The following KIAA0232 variants were observed in gnomAD, a reference collection of about 807,000 sequenced individuals.
KIAA0232 encodes the protein uncharacterized protein KIAA0232.
In KIAA0232, 27 loss-of-function variants were observed where a neutral mutation model predicts 122.0. That is an observed-to-expected ratio of 0.22 (90% CI 0.16 to 0.31). The LOEUF is 0.31. Ranked by LOEUF, KIAA0232 falls within the 10% of genes least tolerant of loss-of-function variation. The probability of loss-of-function intolerance (pLI) is 1.00; values close to 1 mark genes in which losing one functional copy is unlikely to be tolerated. For missense variants in KIAA0232, 1,551 were observed against 1,634.2 expected, an observed-to-expected ratio of 0.95 and a Z score of 0.88; for synonymous variants, 613 against 587.6, an observed-to-expected ratio of 1.04 and a Z score of -0.63.
Position 6,883,985 on chromosome 4 carries a change from TA to T in KIAA0232, c.*3020del, listed in dbSNP as rs1251260965. ...GTCGGTAATTATAGAACTACATAAT[TA>T]TTTTTATAGCTGTATTATGTAGATT... On this transcript the variant is annotated 3_prime_UTR_variant, in exon 10 of 10. Coordinates refer to ENST00000307659, the MANE Select transcript of KIAA0232 (RefSeq NM_014743.3). 1.3e-5 allele frequency: 2 copies of T among 152,236 alleles called. No homozygotes were observed. Among genetic ancestry groups the T allele is most frequent in the Non-Finnish European group, 2.9e-5 (2 of 68,042 alleles). 9.4% of individuals were successfully genotyped at this position (152,236 alleles called of 1,614,324 possible).
At chr4:6,865,344 G>A (rs1443712654) in intron 7 of KIAA0232, among the ~76,000 whole-genome samples, 2 of 152,186 alleles carry the variant, frequency 1.3e-5, no homozygotes, top group African/African-American at 2.4e-5. Flanking sequence ...CTGTCGCCCA[G>A]GCTTGAGTGC....
rs1264348101 is a variant in KIAA0232, at chr4:6,862,544, G to A, written c.2162G>A (p.Arg721His). 8.7e-6 allele frequency: 14 copies of A among 1,613,406 alleles called. No individual in the cohort carries two copies. Among genetic ancestry groups the A allele is most frequent in the Non-Finnish European group, 1.1e-5 (13 of 1,179,776 alleles). Residue 721 changes from arginine to histidine, a missense_variant, in exon 7 of 10, where the codon CGT (arginine) becomes CAT (histidine). Transcript: ENST00000307659. ...CCATGGTCCCATTCAGAAGAAACAC[G>A]TTCAGACAATGAAACATTAAATATT... is the stretch of plus-strand genomic sequence containing the variant. ...CSPWSHSEETRSDNETLNIQF... is the reference protein window; with the variant it reads ...CSPWSHSEETHSDNETLNIQF...
chr4:6,883,393 G>A lies in KIAA0232; in HGVS notation c.*2427G>A, dbSNP rs1330711327. The A allele has an allele frequency of 6.6e-6, 1 of 152,402 alleles. No individual in the cohort carries two copies. 9.4% of individuals were successfully genotyped at this position (152,402 alleles called of 1,614,324 possible). On this transcript the variant is annotated 3_prime_UTR_variant, in exon 10 of 10. Transcript: ENST00000307659. ...CAGTTTGTTGTTTTTATTTCTCATA[G>A]CAAAGCTTCTTTTGTAAAGAACTCC... is the stretch of plus-strand genomic sequence containing the variant.
intron 1 of KIAA0232, among the ~76,000 whole-genome samples, chr4:6,796,259 GGAGACA>G (rs1343506622): frequency 6.9e-6 from 1 of 145,854 alleles, no homozygotes; most frequent in African/African-American, 2.5e-5. Flanking sequence ...TTTTTTTTTT[GGAGACA>G]GAGTCTTGTT....
chr4:6,863,713 A>C lies in KIAA0232; in HGVS notation c.3331A>C (p.Ile1111Leu). 1.2e-6 allele frequency: 2 copies of C among 1,614,214 alleles called. No homozygotes were observed. The highest frequency in any genetic ancestry group is 1.7e-6 in the Non-Finnish European group (2 of 1,180,034). ...CTCTCCTCGGACTCACTTTCGCCCA[A>C]TTTCTGCATCCGAACTGTCCCCAGG... Reference protein sequence around the residue: ...RISPRTHFRPISASELSPGGG... With the variant: ...RISPRTHFRPLSASELSPGGG... The change falls in exon 7 of 10, where the codon ATT becomes CTT. Residue 1111 changes from isoleucine to leucine, a missense_variant. Physicochemically the swap from Ile to Leu is conservative, Grantham distance 5. This residue lies in a region of KIAA0232 where 1,108 missense variants were observed against 1,154.8 expected (regional missense o/e 0.96). Transcript: ENST00000307659.
intron 1 of KIAA0232, among the ~76,000 whole-genome samples, chr4:6,797,568 G>A (rs1354456720): frequency 2.6e-5 from 4 of 151,360 alleles, no homozygotes; most frequent in South Asian, 2.1e-4. Flanking sequence ...CCAGGAATTC[G>A]AGACCAGCCT....
chr4:6,852,541 G>T (rs1720347865), intron 4 of KIAA0232, among the ~76,000 whole-genome samples: 2 of 152,122 alleles, frequency 1.3e-5, no homozygotes, highest in Non-Finnish European at 2.9e-5. Flanking sequence ...CTGCTTTAAA[G>T]CTAAAGACTA....
chr4:6,857,636 C>T (rs551421058), intron 5 of KIAA0232, among the ~76,000 whole-genome samples: 7 of 152,228 alleles, frequency 4.6e-5, no homozygotes, highest in South Asian at 2.1e-4. Flanking sequence ...TGCTAAATTA[C>T]GACATTAAAT....
intron 9 of KIAA0232, among the ~76,000 whole-genome samples, chr4:6,879,779 G>T (rs375095775): frequency 2.6e-5 from 4 of 151,084 alleles, no homozygotes; most frequent in African/African-American, 9.8e-5. Context: ...AGCTGAGCGG[G>T]CCTCTTCTCC....
intron 1 of KIAA0232, among the ~76,000 whole-genome samples, chr4:6,788,662 T>C (rs1716744840): frequency 6.6e-6 from 1 of 152,370 alleles, no homozygotes; most frequent in Admixed American, 6.5e-5. Context: ...GTCTTTTACA[T>C]AGTACTCATT....
Position 6,861,229 on chromosome 4 carries a change from A to G in KIAA0232, c.847A>G (p.Ile283Val). 1.2e-6 allele frequency: 2 copies of G among 1,614,132 alleles called. No individual in the cohort carries two copies. The highest frequency in any genetic ancestry group is 1.7e-6 in the Non-Finnish European group (2 of 1,180,042). ...KQIRHKPEGK[I>V]RPRSWSSGSS... ...AATCCGACATAAACCTGAAGGAAAGATTCGCCCTCGCTCGTGGTCTTCTGG... is the reference window on the plus strand; with the variant it reads ...AATCCGACATAAACCTGAAGGAAAGGTTCGCCCTCGCTCGTGGTCTTCTGG... Residue 283 changes from isoleucine to valine, a missense_variant, in exon 7 of 10, where the codon ATT becomes GTT. Transcript: ENST00000307659.
intron 3 of KIAA0232, among the ~76,000 whole-genome samples, chr4:6,841,544 A>G (rs1226448401): frequency 1.3e-5 from 2 of 152,218 alleles, no homozygotes; most frequent in Non-Finnish European, 2.9e-5. Flanking sequence ...CAAAGATGAA[A>G]TACATAAACT....
chr4:6,876,573 A>G, intron 8 of KIAA0232, 87 bp from the exon 9 acceptor site: 3 of 962,698 alleles, frequency 3.1e-6, no homozygotes, highest in Non-Finnish European at 4.9e-6. Flanking sequence ...TTAGTGAAAA[A>G]TGAAACAAGA....
Position 6,860,973 on chromosome 4 carries a change from G to T in KIAA0232, c.591G>T (p.Lys197Asn). Residue 197 changes from lysine to asparagine, a missense_variant, in exon 7 of 10, where the codon AAG becomes AAT. By Grantham distance (94) the Lys-to-Asn change is moderately conservative. This residue lies in a region of KIAA0232 where 377 missense variants were observed against 381.7 expected (regional missense o/e 0.99). Coordinates refer to ENST00000307659, the MANE Select transcript of KIAA0232 (RefSeq NM_014743.3). ...AAGAAATCATGACTGTGTGGAACAA[G>T]TCTAAAGTCTGTTCTTACTCTAGCT... is the stretch of plus-strand genomic sequence containing the variant. ...CLQEIMTVWN[K>N]SKVCSYSSSS... 1 of 1,614,140 alleles carries T rather than the reference G, an allele frequency of 6.2e-7. No homozygotes were observed. Among genetic ancestry groups the T allele is most frequent in the Non-Finnish European group, 8.5e-7 (1 of 1,180,018 alleles).
At chr4:6,837,503 A>C (rs1719381625) in intron 3 of KIAA0232, among the ~76,000 whole-genome samples, 1 of 152,106 alleles carries the variant, frequency 6.6e-6, no homozygotes, top group Admixed American at 6.5e-5. Flanking sequence ...CTCACTTCCT[A>C]GACGGGGTGG....
At chr4:6,831,062 T>A (rs1294291231) in intron 3 of KIAA0232, among the ~76,000 whole-genome samples, 2 of 152,080 alleles carry the variant, frequency 1.3e-5, no homozygotes, top group Non-Finnish European at 2.9e-5. Context: ...TTTATTTATT[T>A]ATTATTTTTT....
At chr4:6,880,413 A>G (rs1263143416) in intron 9 of KIAA0232, among the ~76,000 whole-genome samples, 2 of 149,956 alleles carry the variant, frequency 1.3e-5, no homozygotes, top group Non-Finnish European at 3.0e-5. Flanking sequence ...TGCAACTGGC[A>G]CATGTTGGTT....
In KIAA0232 at chr4:6,881,042, C is replaced by G. The variant is rs997995837; in HGVS notation, c.*76C>G. On this transcript the variant is annotated 3_prime_UTR_variant, in exon 10 of 10. Transcript: ENST00000307659. ...TTACTCTTCAGTGAGACCTGTTAAT[C>G]TAAAACAACAACTTAGGTTTCCTCT... 2 of 1,061,234 alleles carry G rather than the reference C, an allele frequency of 1.9e-6. No individual in the cohort carries two copies. The highest frequency in any genetic ancestry group is 1.6e-5 in the African/African-American group (1 of 60,802). The allele number at this position is 1,061,234 out of a possible 1,614,324, so 65.7% of individuals were successfully genotyped here.
intron 3 of KIAA0232, among the ~76,000 whole-genome samples, chr4:6,835,947 A>T (rs1719244136): frequency 6.6e-6 from 1 of 152,140 alleles, no homozygotes; most frequent in East Asian, 1.9e-4. Flanking sequence ...ATGTGTCTTT[A>T]TAGTAGCATG....
Sources: allele counts gnomAD v4.1 joint callset (sites outside exome capture counted in the v4.1 genomes callset), GRCh38; gene constraint gnomAD v4.1.1; regional missense constraint gnomAD v4.1.1; transcripts MANE v1.5; gene names NCBI Gene and HGNC (gene_info 2026-07-23, HGNC 2026-07-21).